The following CLDN10 variants were observed in gnomAD, a reference collection of about 807,000 sequenced individuals.
CLDN10 encodes the protein claudin 10, also known as claudin-10.
Under a neutral mutation model 22.9 loss-of-function variants are expected in CLDN10, and 15 were observed. The ratio of observed to expected loss-of-function variants is 0.65; its 90% CI spans 0.44 to 1.01. The LOEUF is 1.01. Among genes scored for constraint, CLDN10 ranks in the 50% least tolerant of loss-of-function variants. The pLI, the probability that CLDN10 is intolerant of heterozygous loss-of-function variation, is 0.00. For synonymous variants in CLDN10, 114 were observed against 111.4 expected (o/e 1.02, Z -0.15); for missense variants, 247 against 287.8 (o/e 0.86, Z 1.03).
At chr13:95,482,715 G>A (rs917092054) in intron 1 of CLDN10, among the ~76,000 whole-genome samples, 5 of 152,182 alleles carry the variant, frequency 3.3e-5, no homozygotes, top group Admixed American at 2.0e-4. Flanking sequence ...GGTGGCTCAC[G>A]CCTGTAATCC....
chr13:95,517,068 CTT>C (rs1166589005), intron 1 of CLDN10, among the ~76,000 whole-genome samples: 17 of 149,282 alleles, frequency 1.1e-4, no homozygotes, highest in Non-Finnish European at 2.2e-4. Flanking sequence ...CTTTTTCATT[CTT>C]TCTCTTTCCT....
chr13:95,492,261 G>A (rs2042880185), intron 1 of CLDN10, among the ~76,000 whole-genome samples: 1 of 151,936 alleles, frequency 6.6e-6, no homozygotes, highest in African/African-American at 2.4e-5. Flanking sequence ...TCCCTACCAG[G>A]GCGGGTAGGG....
At chr13:95,477,733 G>A (rs1050971434) in intron 1 of CLDN10, among the ~76,000 whole-genome samples, 2 of 152,142 alleles carry the variant, frequency 1.3e-5, no homozygotes, top group African/African-American at 4.8e-5. Context: ...TAGAGAGGCA[G>A]CGTCTCAACC....
intron 1 of CLDN10, among the ~76,000 whole-genome samples, chr13:95,453,500 T>C (rs578044887): frequency 2.0e-5 from 3 of 151,838 alleles, no homozygotes; most frequent in South Asian, 2.1e-4. Context: ...CTGGCCAACA[T>C]GGAGAAACCC....
chr13:95,552,913 G>T lies in CLDN10; in HGVS notation c.160G>T (p.Val54Phe). The T allele has an allele frequency of 6.2e-7, 1 of 1,614,114 alleles. No individual in the cohort carries two copies. The part of the protein sequence containing the change: ...TYWANLWKAC[V>F]TDSTGVSNCK... ...TTGGGCCAACCTGTGGAAGGCGTGC[G>T]TTACCGACTCCACGGGCGTCTCCAA... The change falls in exon 1 of 5, where the codon GTT becomes TTT. Residue 54 changes from valine (V) to phenylalanine (F), a missense_variant. Transcript: ENST00000299339.
chr13:95,462,087 C>T (rs750259863), intron 1 of CLDN10, among the ~76,000 whole-genome samples: 35 of 152,102 alleles, frequency 2.3e-4, no homozygotes, highest in Admixed American at 4.6e-4. Context: ...CAGAGTGAGA[C>T]CCTGTCTCAA....
intron 1 of CLDN10, among the ~76,000 whole-genome samples, chr13:95,524,871 T>TATTTATTTATTTA (rs777101760): frequency 2.6e-5 from 4 of 151,030 alleles, no homozygotes; most frequent in East Asian, 1.9e-4. Context: ...TTTTATTTTT[T>TATTTATTTATTTA]TTTTTGAGAC....
At chr13:95,569,627 C>T (rs2043829536) in intron 3 of CLDN10, among the ~76,000 whole-genome samples, 1 of 152,002 alleles carries the variant, frequency 6.6e-6, no homozygotes, top group African/African-American at 2.4e-5. Flanking sequence ...ATAAATAAGG[C>T]TTGTGTAATT....
intron 3 of CLDN10, 21 bp downstream of exon 3, chr13:95,560,484 G>A: frequency 6.4e-7 from 1 of 1,564,318 alleles, no homozygotes; most frequent in Non-Finnish European, 8.8e-7. Flanking sequence ...TTCTCAGTCT[G>A]TTTCCAGCTC....
chr13:95,483,876 G>A (rs1032398917), intron 1 of CLDN10, among the ~76,000 whole-genome samples: 1 of 152,180 alleles, frequency 6.6e-6, no homozygotes, highest in African/African-American at 2.4e-5. Context: ...TGATGGTATT[G>A]GGATGTGGGG....
At chr13:95,511,073 A>G (rs2043092112) in intron 1 of CLDN10, among the ~76,000 whole-genome samples, 1 of 152,218 alleles carries the variant, frequency 6.6e-6, no homozygotes, top group Admixed American at 6.5e-5. Context: ...TAGAAAATAA[A>G]ACATTTCATG....
At chr13:95,447,287 G>A (rs917322315) in intron 1 of CLDN10, among the ~76,000 whole-genome samples, 5 of 152,174 alleles carry the variant, frequency 3.3e-5, no homozygotes, top group African/African-American at 1.2e-4. Context: ...TGCTCTGGAG[G>A]ACTCCTACAA....
chr13:95,470,318 G>T (rs763200356), intron 1 of CLDN10, among the ~76,000 whole-genome samples: 11 of 152,070 alleles, frequency 7.2e-5, no homozygotes, highest in African/African-American at 2.7e-4. Context: ...TGTTAACTAG[G>T]CTGGACTTGA....
chr13:95,482,392 G>A lies in CLDN10; in HGVS notation c.214+48345G>A, dbSNP rs2042759105. ...CCAAGTCAGGCGCCGTGCACAGCTG[G>A]GTCTAAGAGCTGTGCTGATCTACAA... On this transcript the variant is annotated intron_variant, in intron 1 of 4. Coordinates refer to the CLDN10 transcript ENST00000376873. Among the ~76,000 whole-genome samples, 4 of 152,140 alleles carry A rather than the reference G, an allele frequency of 2.6e-5. No homozygotes were observed. The South Asian group carries it at 8.3e-4, about 32-fold the overall frequency.
intron 1 of CLDN10, among the ~76,000 whole-genome samples, chr13:95,486,068 T>C (rs1411729081): frequency 6.6e-6 from 1 of 152,106 alleles, no homozygotes; most frequent in Non-Finnish European, 1.5e-5. Context: ...TACAGTGCAT[T>C]GTGGGGCATG....
intron 1 of CLDN10, among the ~76,000 whole-genome samples, chr13:95,524,495 C>G (rs1045823829): frequency 1.3e-4 from 20 of 152,152 alleles, no homozygotes; most frequent in African/African-American, 4.1e-4. Flanking sequence ...ATTTCATTCC[C>G]TTTTCGGTTA....
At chr13:95,544,870 C>A (rs189471108) in intron 1 of CLDN10, among the ~76,000 whole-genome samples, 7 of 151,752 alleles carry the variant, frequency 4.6e-5, no homozygotes, top group Admixed American at 4.6e-4. Context: ...TCCATCTCCC[C>A]GGTTCAAGCA....
chr13:95,564,869 C>G (rs2043761948), intron 3 of CLDN10, among the ~76,000 whole-genome samples: 1 of 152,212 alleles, frequency 6.6e-6, no homozygotes, highest in Admixed American at 6.5e-5. Context: ...AAAGTCCTTC[C>G]TTTCCCACCA....
At chr13:95,531,405 C>G (rs747190167) in intron 1 of CLDN10, among the ~76,000 whole-genome samples, 4 of 152,076 alleles carry the variant, frequency 2.6e-5, no homozygotes, top group African/African-American at 7.2e-5. Context: ...TTTAAAGAAG[C>G]CATAGGGCAT....
Sources: allele counts gnomAD v4.1 joint callset (sites outside exome capture counted in the v4.1 genomes callset), GRCh38; gene constraint gnomAD v4.1.1; transcripts MANE v1.5; gene names NCBI Gene and HGNC (gene_info 2026-07-23, HGNC 2026-07-21).